IRF5: variants seen among roughly 807,000 people sequenced by gnomAD.
The protein encoded by IRF5 is interferon regulatory factor 5.
A neutral mutation model predicts 55.1 loss-of-function variants in IRF5; 24 were observed. The observed-to-expected ratio is 0.44, with a 90% CI of 0.32 to 0.61. The LOEUF (loss-of-function observed/expected upper bound fraction) is 0.61. IRF5 is among the 20% of genes least tolerant of loss of function. IRF5 has a pLI of 0.07. For synonymous variants in IRF5, 258 were observed against 260.2 expected, an observed-to-expected ratio of 0.99 and a Z score of 0.08; for missense variants, 499 against 658.5, an observed-to-expected ratio of 0.76 and a Z score of 2.65.
upstream of IRF5, among the ~76,000 whole-genome samples, chr7:128,937,134 C>G (rs1563069118): frequency 6.6e-6 from 1 of 152,214 alleles, no homozygotes; most frequent in Non-Finnish European, 1.5e-5. Flanking sequence ...GCTATTTGCA[C>G]CCTGGAACCC....
In IRF5 at chr7:128,948,315, T is replaced by C; in HGVS notation, c.1286T>C (p.Leu429Pro). The C allele has an allele frequency of 6.2e-7, 1 of 1,606,374 alleles. No individual in the cohort carries two copies. Among genetic ancestry groups the C allele is most frequent in the Non-Finnish European group, 8.5e-7 (1 of 1,177,306 alleles). Residue 429 changes from leucine (L) to proline (P), a missense_variant, in exon 8 of 9, where the codon CTC becomes CCC. By Grantham distance (98) the Leu-to-Pro change is moderately conservative. This residue lies in a region of IRF5 where 194 missense variants were observed against 318.3 expected (regional missense o/e 0.61). Coordinates refer to ENST00000357234, the MANE Select transcript of IRF5 (RefSeq NM_001098629.3). The surrounding 1 kb of genome is among the most constrained non-coding windows in gnomAD (Gnocchi z 4.6). ...WPDRKPREKKLITVQVVPVAA... is the reference protein window; with the variant it reads ...WPDRKPREKKPITVQVVPVAA... ...GACCGCAAACCCCGAGAGAAGAAGC[T>C]CATTACTGTACAGGTACATCTCCCC...
upstream of IRF5, chr7:128,937,593 G>C (rs1025184187): frequency 6.6e-6 from 1 of 152,342 alleles, no homozygotes; most frequent in African/African-American, 2.4e-5. Context: ...CTGGAGCTGT[G>C]GGTCGGCCAC....
In IRF5 at chr7:128,947,112, A is replaced by G. The variant is rs1161869630; in HGVS notation, c.481+56A>G. The G allele has an allele frequency of 6.2e-7, 1 of 1,612,992 alleles. No individual in the cohort carries two copies. On this transcript the variant is annotated intron_variant, in intron 5 of 8. Coordinates refer to ENST00000357234, the MANE Select transcript of IRF5 (RefSeq NM_001098629.3). This position sits in a 1 kb window ranked among gnomAD's most constrained non-coding sequence, Gnocchi z 6.5. ...AGTATACAGAGAAGCTATAGGTACC[A>G]TAGGTACCTGGAAGGGGGCTGATGG...
In IRF5 at chr7:128,948,617, G is replaced by A. The variant is rs772644341; in HGVS notation, c.1344G>A (p.Gly448=). 6.2e-7 allele frequency: 1 copy of A among 1,614,184 alleles called. No individual in the cohort carries two copies. The highest frequency in any genetic ancestry group is 1.7e-5 in the Admixed American group (1 of 60,032). The part of the protein sequence containing the change: ...AARLLLEMFS[G]ELSWSADSIR... ...GACTGCTGCTGGAGATGTTCTCAGG[G>A]GAGCTATCTTGGTCAGCTGATAGTA... is the stretch of plus-strand genomic sequence containing the variant. Residue 448 remains glycine, a synonymous_variant, in exon 9 of 9, where the codon GGG becomes GGA. Transcript: ENST00000357234. The surrounding 1 kb of genome is among the most constrained non-coding windows in gnomAD (Gnocchi z 4.6).
chr7:128,945,676 G>A (rs1048162364), intron 2 of IRF5, among the ~76,000 whole-genome samples, 169 bp from the exon 3 acceptor site: 1 of 152,214 alleles, frequency 6.6e-6, no homozygotes, highest in Non-Finnish European at 1.5e-5. Context: ...GAGGGCTGGG[G>A]CAGGACTGTG....
rs1796302931 is a variant in IRF5 at position 128,946,372 on chromosome 7, C to T, written c.386-129C>T. ...CCTGGTGGCTGTGCCCTCCACCTCG[C>T]CCTGTGTTGGGGGCAGCTTTGGGGA... On this transcript the variant is annotated intron_variant, in intron 3 of 8. Transcript: ENST00000357234. This position sits in a 1 kb window ranked among gnomAD's most constrained non-coding sequence, Gnocchi z 4.2. 8.6e-7 allele frequency: 1 copy of T among 1,160,496 alleles called. No individual in the cohort carries two copies. Among genetic ancestry groups the T allele is most frequent in the Non-Finnish European group, 1.2e-6 (1 of 817,300 alleles). 71.9% of individuals were successfully genotyped at this position (1,160,496 alleles called of 1,614,324 possible).
rs1796326759 is a variant in IRF5 at position 128,946,742 on chromosome 7, G to A, written c.447+180G>A. ...CAGTCCCCACCTGCTCCTTCCCAGGGCATTGTCATTACCCTGTGTGTGTGA... is the reference window on the plus strand; with the variant it reads ...CAGTCCCCACCTGCTCCTTCCCAGGACATTGTCATTACCCTGTGTGTGTGA... On this transcript the variant is annotated intron_variant, in intron 4 of 8. Transcript: ENST00000357234. The surrounding 1 kb of genome is among the most constrained non-coding windows in gnomAD (Gnocchi z 4.2). The A allele has an allele frequency of 1.9e-5, 12 of 635,502 alleles. No individual in the cohort carries two copies. In the South Asian group the frequency reaches 2.2e-4, roughly 12 times the overall value. The allele number at this position is 635,502 out of a possible 1,614,324, so 39.4% of individuals were successfully genotyped here.
rs915378722 is a variant in IRF5, at chr7:128,939,836, A to G, written c.-12+1787A>G. The stretch of plus-strand genomic sequence containing the variant: ...TCCCCACCTTCCGGGGCTCAGGTCC[A>G]TTGACTTAGGTCTAGGGCTCCATAC... On this transcript the variant is annotated intron_variant, in intron 1 of 8. Coordinates refer to ENST00000357234, the MANE Select transcript of IRF5 (RefSeq NM_001098629.3). 7.2e-5 allele frequency among the ~76,000 whole-genome samples: 11 copies of G among 152,334 alleles called. No homozygotes were observed. In the East Asian group the frequency reaches 1.9e-3, roughly 27 times the overall value.
intron 1 of IRF5, among the ~76,000 whole-genome samples, chr7:128,939,853 G>A (rs929700959): frequency 2.0e-5 from 3 of 152,220 alleles, no homozygotes; most frequent in African/African-American, 7.2e-5. Context: ...TAGGTCTAGG[G>A]CTCCATACAT....
chr7:128,943,737 T>TTG (rs1796160838), intron 2 of IRF5, among the ~76,000 whole-genome samples: 1 of 90,136 alleles, frequency 1.1e-5, no homozygotes, highest in East Asian at 2.6e-4. Flanking sequence ...TTTTTTTTTT[T>TTG]TTTTTGTATT....
intron 2 of IRF5, chr7:128,943,176 AG>A: frequency 4.4e-6 from 1 of 228,334 alleles, no homozygotes; most frequent in Non-Finnish European, 9.1e-6. Flanking sequence ...CTGGGATTAC[AG>A]GTGCCTGCCA....
Position 128,945,825 on chromosome 7 carries a change from G to T in IRF5, c.196-20G>T. ...GCAGGGATGAGGTTCTCTGTGGTCG[G>T]CTATTTCTTCCTGCCCCAGGCCTGG... On this transcript the variant is annotated intron_variant, in intron 2 of 8. Coordinates refer to ENST00000357234, the MANE Select transcript of IRF5 (RefSeq NM_001098629.3). 6.3e-7 allele frequency: 1 copy of T among 1,593,762 alleles called. No individual in the cohort carries two copies. The highest frequency in any genetic ancestry group is 8.5e-7 in the Non-Finnish European group (1 of 1,174,574).
Position 128,943,023 on chromosome 7 carries a change from A to ATTTTTTTTTTTTTTTTTTTTTTTTTTTTT in IRF5, c.195+775_195+776insTTTTTTTTTTTTTTTTTTTTTTTTTTTTT, listed in dbSNP as rs34539872. 2 of 86,902 alleles carry ATTTTTTTTTTTTTTTTTTTTTTTTTTTTT rather than the reference A, an allele frequency of 2.3e-5. 1 individual carries two copies. Among genetic ancestry groups the ATTTTTTTTTTTTTTTTTTTTTTTTTTTTT allele is most frequent in the African/African-American group, 1.1e-4 (2 of 18,320 alleles). The allele number at this position is 86,902 out of a possible 1,614,324, so 5.4% of individuals were successfully genotyped here. ...GCCTCACACTGTTGACCAGATTCCA[A>ATTTTTTTTTTTTTTTTTTTTTTTTTTTTT]TTTTTTTTTTTTTTTTTTTTTTTTT... On this transcript the variant is annotated intron_variant, in intron 2 of 8. Transcript: ENST00000357234.
In IRF5 at chr7:128,947,065, G is replaced by T. The variant is rs753371056; in HGVS notation, c.481+9G>T. The T allele has an allele frequency of 5.6e-6, 9 of 1,614,000 alleles. No homozygotes were observed. The South Asian group carries it at 9.9e-5, about 18-fold the overall frequency. On this transcript the variant is annotated intron_variant, in intron 5 of 8. Coordinates refer to ENST00000357234, the MANE Select transcript of IRF5 (RefSeq NM_001098629.3). This position sits in a 1 kb window ranked among gnomAD's most constrained non-coding sequence, Gnocchi z 6.5. ...AAGCCTGAGCCTCACAGGTGGGGCC[G>T]GGAGGTGGTGGTTGGGGGTCTAGTA...
In IRF5 at chr7:128,947,310, CCCA is replaced by C. The variant is rs2128964756; in HGVS notation, c.564_566del (p.Thr189del). Reference sequence around the variant, plus strand: ...CAAGTGGCCGCCCACTCTGCAGCCGCCCACTCTGCGGCCGCCTACTCTGCAGCC... The same window carrying C: ...CAAGTGGCCGCCCACTCTGCAGCCGCCTCTGCGGCCGCCTACTCTGCAGCC... On this transcript the variant is annotated inframe_deletion, in exon 6 of 9. Transcript: ENST00000357234. The surrounding 1 kb of genome is among the most constrained non-coding windows in gnomAD (Gnocchi z 6.5). 4.8e-6 allele frequency: 2 copies of C among 412,910 alleles called. No homozygotes were observed. The highest frequency in any genetic ancestry group is 6.9e-6 in the Non-Finnish European group (2 of 290,500). 25.6% of individuals were successfully genotyped at this position (412,910 alleles called of 1,614,324 possible). A position where few individuals can be genotyped will look rare whatever the true frequency, so the allele number is the denominator to read the frequency against.
rs1174945651 is a variant in IRF5 at position 128,946,714 on chromosome 7, GCA to G, written c.447+155_447+156del. On this transcript the variant is annotated intron_variant, in intron 4 of 8. Coordinates refer to ENST00000357234, the MANE Select transcript of IRF5 (RefSeq NM_001098629.3). The surrounding 1 kb of genome is among the most constrained non-coding windows in gnomAD (Gnocchi z 4.2). Reference sequence around the variant, plus strand: ...TCTCCTGGGATTCTGAACGATAGGAGCACAGTCCCCACCTGCTCCTTCCCAGG... The same window carrying G: ...TCTCCTGGGATTCTGAACGATAGGAGCAGTCCCCACCTGCTCCTTCCCAGG... The G allele has an allele frequency of 3.2e-4, 209 of 657,686 alleles. No homozygotes were observed. In the East Asian group the frequency reaches 5.0e-3, roughly 16 times the overall value. 40.7% of individuals were successfully genotyped at this position (657,686 alleles called of 1,614,324 possible).
Position 128,948,519 on chromosome 7 carries a change from G to T in IRF5, c.1300-54G>T. The stretch of plus-strand genomic sequence containing the variant: ...TGATGGCTGTCCTCATGCACAGCTG[G>T]ATCTGGCAGCCCTGCCACAGGTCTC... On this transcript the variant is annotated intron_variant, in intron 8 of 8. Coordinates refer to ENST00000357234, the MANE Select transcript of IRF5 (RefSeq NM_001098629.3). The surrounding 1 kb of genome is among the most constrained non-coding windows in gnomAD (Gnocchi z 4.6). 1 of 1,604,610 alleles carries T rather than the reference G, an allele frequency of 6.2e-7. No homozygotes were observed. Among genetic ancestry groups the T allele is most frequent in the South Asian group, 1.1e-5 (1 of 90,224 alleles).
At chr7:128,942,345 C>T (rs904758610) in intron 2 of IRF5, 69 bp downstream of exon 2, 9 of 1,411,778 alleles carry the variant, frequency 6.4e-6, no homozygotes, top group African/African-American at 2.9e-5. Flanking sequence ...GCGCACATAA[C>T]GCACACAGGC....
intron 2 of IRF5, among the ~76,000 whole-genome samples, chr7:128,942,753 G>A (rs530898376): frequency 1.4e-3 from 206 of 152,150 alleles, no homozygotes; most frequent in Non-Finnish European, 1.4e-3. Context: ...TTCAGTGCAC[G>A]CATATGCTAA....
Sources: allele counts gnomAD v4.1 joint callset (sites outside exome capture counted in the v4.1 genomes callset), GRCh38; gene constraint gnomAD v4.1.1; regional missense constraint gnomAD v4.1.1; non-coding constraint Gnocchi (gnomAD v3.1); transcripts MANE v1.5; gene names NCBI Gene and HGNC (gene_info 2026-07-23, HGNC 2026-07-21).